The following TACC3 variants were observed in gnomAD, a reference collection of about 807,000 sequenced individuals.
The protein encoded by TACC3 is transforming acidic coiled-coil containing protein 3, also known as transforming acidic coiled-coil-containing protein 3.
In TACC3, 52 loss-of-function variants were observed where a neutral mutation model predicts 86.0. The observed-to-expected ratio is 0.60, with a 90% CI of 0.48 to 0.76. The LOEUF is 0.76. TACC3 is among the 30% of genes least tolerant of loss of function. The pLI is 0.00. For missense variants in TACC3, 1,120 were observed against 1,070.4 expected, an observed-to-expected ratio of 1.05 and a Z score of -0.65; for synonymous variants, 512 against 430.0, an observed-to-expected ratio of 1.19 and a Z score of -2.36.
At position 1,735,272 on chromosome 4, in the gene TACC3, G is replaced by A; in HGVS notation, c.1592-1G>A. 10 of 1,614,006 alleles carry A rather than the reference G, an allele frequency of 6.2e-6. No individual in the cohort carries two copies. Among genetic ancestry groups the A allele is most frequent in the Non-Finnish European group, 8.5e-6 (10 of 1,180,028 alleles). Reference sequence around the variant, plus strand: ...GCGGCGGCATGATTCACTCCTCTCAGTTCTAGGCACGGGCGCGGAGGTGGA... The same window carrying A: ...GCGGCGGCATGATTCACTCCTCTCAATTCTAGGCACGGGCGCGGAGGTGGA... On this transcript the variant is annotated splice_acceptor_variant, in intron 6 of 15. Coordinates refer to ENST00000313288, the MANE Select transcript of TACC3 (RefSeq NM_006342.3). LOFTEE classifies it high-confidence loss of function. This position sits in a 1 kb window ranked among gnomAD's most constrained non-coding sequence, Gnocchi z 4.2.
At chr4:1,737,510 G>A (rs779723684) in intron 9 of TACC3, 88 bp from the exon 10 acceptor site, 54 of 1,189,790 alleles carry the variant, frequency 4.5e-5, no homozygotes, top group Admixed American at 9.9e-5. Context: ...GAGGCTCTTG[G>A]CCTGTGTGGG....
Position 1,728,525 on chromosome 4 carries a change from CA to C in TACC3, c.1127del (p.Lys376ArgfsTer85), listed in dbSNP as rs1420666904. ...PPLRKAAVRQ[Q>X]KAPQEVEEDD... ...CTTGAGGAAAGCAGCAGTGAGGCAG[CA>C]AAAGGCCCCGCAGGAGGTGGAGGAG... On this transcript the variant is annotated frameshift_variant, in exon 4 of 16. Coordinates refer to ENST00000313288, the MANE Select transcript of TACC3 (RefSeq NM_006342.3). LOFTEE classifies it high-confidence loss of function. 6.2e-7 allele frequency: 1 copy of C among 1,613,996 alleles called. No individual in the cohort carries two copies.
At chr4:1,737,158 G>T in intron 8 of TACC3, 83 bp from the exon 9 acceptor site, 1 of 1,168,890 alleles carries the variant, frequency 8.6e-7, no homozygotes, top group Non-Finnish European at 1.3e-6. Flanking sequence ...CAAAGAGCCC[G>T]GTTAGCTTGT....
chr4:1,735,398 G>GGA lies in TACC3; in HGVS notation c.1644+75_1644+76dup. 1 of 1,577,990 alleles carries GGA rather than the reference G, an allele frequency of 6.3e-7. No individual in the cohort carries two copies. The highest frequency in any genetic ancestry group is 8.7e-7 in the Non-Finnish European group (1 of 1,148,644). ...AGCAGCCACGGCAGGTCTTGCCCCC[G>GGA]GAGCGTCCCTTGGTGCCCACGTCCC... On this transcript the variant is annotated intron_variant, in intron 7 of 15. Transcript: ENST00000313288. The surrounding 1 kb of genome is among the most constrained non-coding windows in gnomAD (Gnocchi z 4.2).
chr4:1,736,274 T>C (rs935139066), intron 8 of TACC3, among the ~76,000 whole-genome samples: 1 of 151,496 alleles, frequency 6.6e-6, no homozygotes, highest in Non-Finnish European at 1.5e-5. Context: ...AATACAAAAA[T>C]TAGCCGGGTG....
At chr4:1,722,722 C>A (rs1259795739) in intron 1 of TACC3, among the ~76,000 whole-genome samples, 1 of 152,190 alleles carries the variant, frequency 6.6e-6, no homozygotes, top group Non-Finnish European at 1.5e-5. Flanking sequence ...AGACTGGGAA[C>A]GCTGTAGACA....
chr4:1,741,445 A>C (rs116792498), intron 13 of TACC3: 4,776 of 153,176 alleles, frequency 0.031, 251 homozygotes, highest in African/African-American at 0.11. Context: ...TGGCCACGGG[A>C]CTCTGAGCGC....
rs1366628530 is a variant in TACC3, at chr4:1,735,676, C to CA, written c.1645-55_1645-54insA. ...AGGTGACCTCCCTGGCCCTTAGCCC[C>CA]CGTGTGTGTTAGGGGATGGCAGTCA... is the stretch of plus-strand genomic sequence containing the variant. On this transcript the variant is annotated intron_variant, in intron 7 of 15. Transcript: ENST00000313288. This position sits in a 1 kb window ranked among gnomAD's most constrained non-coding sequence, Gnocchi z 4.2. 179 of 1,360,074 alleles carry CA rather than the reference C, an allele frequency of 1.3e-4. 1 individual carries two copies. The highest frequency in any genetic ancestry group is 1.7e-4 in the Non-Finnish European group (163 of 981,592). The allele number at this position is 1,360,074 out of a possible 1,614,324, so 84.3% of individuals were successfully genotyped here. A position where few individuals can be genotyped will look rare whatever the true frequency, so the allele number is the denominator to read the frequency against.
chr4:1,731,363 G>T (rs1718001878), intron 6 of TACC3, 62 bp downstream of exon 6: 6 of 1,583,580 alleles, frequency 3.8e-6, no homozygotes, highest in Non-Finnish European at 4.3e-6. Flanking sequence ...TGAGCACTTG[G>T]GCAGCTCGAG....
chr4:1,743,773 G>A (rs4865467), intron 13 of TACC3, among the ~76,000 whole-genome samples: 3 of 151,840 alleles, frequency 2.0e-5, no homozygotes, highest in Non-Finnish European at 4.4e-5. Flanking sequence ...GCCGCCTCCC[G>A]GACAGACGCT....
intron 11 of TACC3, 32 bp downstream of exon 11, chr4:1,739,810 C>T: frequency 1.5e-6 from 1 of 687,268 alleles, no homozygotes; most frequent in Non-Finnish European, 2.1e-6. Context: ...TCCTCCCCGT[C>T]CCCATCCCCC....
chr4:1,725,309 C>A (rs1028046545), intron 3 of TACC3, among the ~76,000 whole-genome samples: 1 of 152,134 alleles, frequency 6.6e-6, no homozygotes, highest in African/African-American at 2.4e-5. Flanking sequence ...CTTCTCACCC[C>A]CTGAGATAAA....
Position 1,723,543 on chromosome 4 carries a change from A to C in TACC3, c.122A>C (p.Lys41Thr). 6.2e-7 allele frequency: 1 copy of C among 1,613,696 alleles called. No homozygotes were observed. The highest frequency in any genetic ancestry group is 8.5e-7 in the Non-Finnish European group (1 of 1,179,932). ...TCGTCTGTTCTTCGTGTGTCACAGAAAGAAAATGTGCCACCCAAGAACCTG... is the reference window on the plus strand; with the variant it reads ...TCGTCTGTTCTTCGTGTGTCACAGACAGAAAATGTGCCACCCAAGAACCTG... ...GRSSVLRVSQKENVPPKNLAK... is the reference protein window; with the variant it reads ...GRSSVLRVSQTENVPPKNLAK... The change falls in exon 2 of 16, where the codon AAA becomes ACA. Residue 41 changes from lysine (K) to threonine (T), a missense_variant. Coordinates refer to ENST00000313288, the MANE Select transcript of TACC3 (RefSeq NM_006342.3).
chr4:1,723,607 T>G, intron 2 of TACC3, 24 bp downstream of exon 2: 1 of 1,609,900 alleles, frequency 6.2e-7, no homozygotes, highest in East Asian at 2.2e-5. Flanking sequence ...GTACAGTGTG[T>G]GGCTGGCCAG....
chr4:1,739,125 G>A (rs557087907), intron 10 of TACC3, among the ~76,000 whole-genome samples: 186 of 152,202 alleles, frequency 1.2e-3, no homozygotes, highest in African/African-American at 2.0e-3. Flanking sequence ...TGGCTAACAC[G>A]GTGAAACCCT....
chr4:1,733,986 A>T lies in TACC3; in HGVS notation c.1592-1287A>T, dbSNP rs376530351. 2.0e-5 allele frequency among the ~76,000 whole-genome samples: 3 copies of T among 152,040 alleles called. No individual in the cohort carries two copies. The East Asian group carries it at 5.8e-4, about 29-fold the overall frequency. On this transcript the variant is annotated intron_variant, in intron 6 of 15. Coordinates refer to ENST00000313288, the MANE Select transcript of TACC3 (RefSeq NM_006342.3). ...AGCAAGACTCTGTCTCAAAAAAAAA[A>T]AAAAGAAAAGAAAACTGACAAGGCC... is the stretch of plus-strand genomic sequence containing the variant.
At position 1,735,164 on chromosome 4, in the gene TACC3, C is replaced by G. The variant is rs1375594767; in HGVS notation, c.1592-109C>G. 6.9e-7 allele frequency: 1 copy of G among 1,455,048 alleles called. No individual in the cohort carries two copies. The highest frequency in any genetic ancestry group is 1.4e-5 in the African/African-American group (1 of 71,406). 90.1% of individuals were successfully genotyped at this position (1,455,048 alleles called of 1,614,324 possible). ...ATCCACACCTCCAAGGGAGGAAATACTGCTGGCTGGAATGATCCTGCCTCA... is the reference window on the plus strand; with the variant it reads ...ATCCACACCTCCAAGGGAGGAAATAGTGCTGGCTGGAATGATCCTGCCTCA... On this transcript the variant is annotated intron_variant, in intron 6 of 15. Coordinates refer to ENST00000313288, the MANE Select transcript of TACC3 (RefSeq NM_006342.3). The surrounding 1 kb of genome is among the most constrained non-coding windows in gnomAD (Gnocchi z 4.2).
chr4:1,735,652 G>T lies in TACC3; in HGVS notation c.1645-79G>T. 1 of 1,165,662 alleles carries T rather than the reference G, an allele frequency of 8.6e-7. No homozygotes were observed. Among genetic ancestry groups the T allele is most frequent in the Non-Finnish European group, 1.3e-6 (1 of 788,602 alleles). 72.2% of individuals were successfully genotyped at this position (1,165,662 alleles called of 1,614,324 possible). On this transcript the variant is annotated intron_variant, in intron 7 of 15. Coordinates refer to ENST00000313288, the MANE Select transcript of TACC3 (RefSeq NM_006342.3). This position sits in a 1 kb window ranked among gnomAD's most constrained non-coding sequence, Gnocchi z 4.2. ...GGGTGACCGGGGGTGGGAGTGTGCA[G>T]GTGACCTCCCTGGCCCTTAGCCCCC...
At chr4:1,738,934 T>C (rs1182938658) in intron 10 of TACC3, among the ~76,000 whole-genome samples, 6 of 152,094 alleles carry the variant, frequency 3.9e-5, no homozygotes, top group African/African-American at 1.4e-4. Flanking sequence ...TGTGAACTAC[T>C]GATTAGGACT....
Sources: allele counts gnomAD v4.1 joint callset (sites outside exome capture counted in the v4.1 genomes callset), GRCh38; gene constraint gnomAD v4.1.1; non-coding constraint Gnocchi (gnomAD v3.1); transcripts MANE v1.5; gene names NCBI Gene and HGNC (gene_info 2026-07-23, HGNC 2026-07-21).